PYHIN1: variants seen among roughly 807,000 people sequenced by gnomAD.
PYHIN1 encodes pyrin and HIN domain family member 1.
Under a neutral mutation model 43.7 loss-of-function variants are expected in PYHIN1, and 32 were observed. That is an observed-to-expected ratio of 0.73 (90% confidence interval 0.55 to 0.98). The LOEUF (loss-of-function observed/expected upper bound fraction) is 0.98. Among genes scored for constraint, PYHIN1 ranks in the 50% least tolerant of loss-of-function variants. PYHIN1 has a pLI of 0.00. For synonymous variants in PYHIN1, 205 were observed against 203.1 expected (o/e 1.01, Z -0.08); for missense variants, 588 against 589.5 (o/e 1.00, Z 0.03).
intron 7 of PYHIN1, among the ~76,000 whole-genome samples, chr1:158,953,546 T>G (rs1273463739): frequency 6.6e-6 from 1 of 151,154 alleles, no homozygotes; most frequent in Non-Finnish European, 1.5e-5. Context: ...GGGTCCTGTC[T>G]GTTAGAAGGA....
At chr1:158,967,213 G>A (rs939834049) in intron 7 of PYHIN1, among the ~76,000 whole-genome samples, 1 of 152,004 alleles carries the variant, frequency 6.6e-6, no homozygotes. Flanking sequence ...GGATGAGAGG[G>A]TTTTCTTAGA....
chr1:158,942,454 A>C, intron 5 of PYHIN1, 55 bp downstream of exon 5: 1 of 1,387,988 alleles, frequency 7.2e-7, no homozygotes, highest in East Asian at 2.3e-5. Flanking sequence ...TGAAATTAAA[A>C]GCCCTGATGT....
At chr1:158,976,637 G>A in intron 8 of PYHIN1, 64 bp from the exon 9 acceptor site, 1 of 1,286,528 alleles carries the variant, frequency 7.8e-7, no homozygotes, top group South Asian at 1.4e-5. Context: ...CAGTGTGATT[G>A]AAGAAAGAAA....
chr1:158,950,327 G>T lies in PYHIN1; in HGVS notation c.1359+5285G>T, dbSNP rs571073840. Reference sequence around the variant, plus strand: ...AGGAGCAGGATTCATTCAGCCTCCTGAGTTGTCCTCTTCAGCATCCCCCAG... The same window carrying T: ...AGGAGCAGGATTCATTCAGCCTCCTTAGTTGTCCTCTTCAGCATCCCCCAG... On this transcript the variant is annotated intron_variant, in intron 7 of 8. Coordinates refer to ENST00000368140, the MANE Select transcript of PYHIN1 (RefSeq NM_152501.5). Among the ~76,000 whole-genome samples, 72 of 152,334 alleles carry T rather than the reference G, an allele frequency of 4.7e-4. 1 individual carries two copies. In the South Asian group the frequency reaches 0.014, roughly 31 times the overall value.
downstream of PYHIN1, among the ~76,000 whole-genome samples, chr1:158,980,490 G>A (rs1102014): frequency 0.88 from 133,202 of 151,968 alleles, 59,876 homozygotes; most frequent in Middle Eastern, 0.98. Flanking sequence ...AGCAAGGAAT[G>A]TTAATATTAA....
chr1:158,987,302 C>T, the PYHIN1 span, among the ~76,000 whole-genome samples: 1 of 152,200 alleles, frequency 6.6e-6, no homozygotes, highest in African/African-American at 2.4e-5. Flanking sequence ...TTGCATTTCC[C>T]TGATGACTAA....
intron 7 of PYHIN1, among the ~76,000 whole-genome samples, chr1:158,960,071 A>G (rs1325911646): frequency 6.6e-6 from 1 of 152,164 alleles, no homozygotes; most frequent in Non-Finnish European, 1.5e-5. Flanking sequence ...CACCTTATAT[A>G]CACCCTGGAA....
Position 158,933,595 on chromosome 1 carries a change from C to G in PYHIN1, c.-21+1819C>G, listed in dbSNP as rs1235741283. 1.3e-5 allele frequency among the ~76,000 whole-genome samples: 2 copies of G among 151,982 alleles called. No homozygotes were observed. Among genetic ancestry groups the G allele is most frequent in the African/African-American group, 2.4e-5 (1 of 41,418 alleles). On this transcript the variant is annotated intron_variant, in intron 1 of 8. Transcript: ENST00000368140. The surrounding 1 kb of genome is among the most constrained non-coding windows in gnomAD (Gnocchi z 6.3). ...AAATTTGATAAAAGTTGTCATTTAA[C>G]TAGTTAACCTCTTTATGTATAGGCT...
downstream of PYHIN1, among the ~76,000 whole-genome samples, chr1:158,980,021 A>G (rs1478725725): frequency 1.3e-5 from 2 of 152,138 alleles, no homozygotes; most frequent in Admixed American, 1.3e-4. Flanking sequence ...TGCTTCAGAT[A>G]ATGCCTTGCA....
At chr1:158,973,176 C>T (rs1443741371) in intron 7 of PYHIN1, among the ~76,000 whole-genome samples, 1 of 152,036 alleles carries the variant, frequency 6.6e-6, no homozygotes, top group Non-Finnish European at 1.5e-5. Flanking sequence ...AGTGACTCCC[C>T]CACACCTATG....
intron 3 of PYHIN1, among the ~76,000 whole-genome samples, chr1:158,938,821 T>C (rs1648721858): frequency 1.3e-5 from 2 of 152,200 alleles, no homozygotes; most frequent in South Asian, 4.1e-4. Context: ...TTTGCCTATG[T>C]TTACAAAAGC....
chr1:158,986,040 T>G, the PYHIN1 span, among the ~76,000 whole-genome samples: 1 of 152,188 alleles, frequency 6.6e-6, no homozygotes, highest in East Asian at 1.9e-4. Flanking sequence ...CTATTTTATC[T>G]TTAAGCTTTT....
At chr1:158,966,956 G>C (rs1463812399) in intron 7 of PYHIN1, among the ~76,000 whole-genome samples, 1 of 152,080 alleles carries the variant, frequency 6.6e-6, no homozygotes, top group Non-Finnish European at 1.5e-5. Context: ...CCTGTATTTA[G>C]AAAAACCCAT....
At chr1:158,936,742 A>G in intron 1 of PYHIN1, 149 bp from the exon 2 acceptor site, 1 of 430,898 alleles carries the variant, frequency 2.3e-6, no homozygotes, top group East Asian at 4.0e-5. Flanking sequence ...CCAATATCAT[A>G]CTGAATGGAG....
chr1:158,932,027 G>A (rs905879915), intron 1 of PYHIN1, among the ~76,000 whole-genome samples: 12 of 152,136 alleles, frequency 7.9e-5, no homozygotes, highest in Admixed American at 3.3e-4. Context: ...GACCATTGCA[G>A]ATTTTAAAAC....
At chr1:158,968,240 A>G (rs1050825868) in intron 7 of PYHIN1, among the ~76,000 whole-genome samples, 2 of 152,090 alleles carry the variant, frequency 1.3e-5, no homozygotes, top group Non-Finnish European at 2.9e-5. Flanking sequence ...AATGTAAACC[A>G]ATTTACAAGA....
At chr1:158,958,792 A>G (rs1650134219) in intron 7 of PYHIN1, among the ~76,000 whole-genome samples, 1 of 150,432 alleles carries the variant, frequency 6.6e-6, no homozygotes, top group African/African-American at 2.4e-5. Context: ...AATTAAAAAA[A>G]AAAAAAAGAT....
chr1:158,979,005 G>T (rs1651395823), downstream of PYHIN1, among the ~76,000 whole-genome samples: 1 of 152,202 alleles, frequency 6.6e-6, no homozygotes, highest in Admixed American at 6.5e-5. Flanking sequence ...TTTGTACCAA[G>T]TGGTTCTCTG....
chr1:158,967,270 A>G (rs893520478), intron 7 of PYHIN1, among the ~76,000 whole-genome samples: 3 of 152,070 alleles, frequency 2.0e-5, no homozygotes, highest in East Asian at 3.9e-4. Context: ...GGCACTGTGT[A>G]CATCACTTTG....
Sources: allele counts gnomAD v4.1 joint callset (sites outside exome capture counted in the v4.1 genomes callset), GRCh38; gene constraint gnomAD v4.1.1; non-coding constraint Gnocchi (gnomAD v3.1); transcripts MANE v1.5; gene names NCBI Gene and HGNC (gene_info 2026-07-23, HGNC 2026-07-21).